PCDH10: variants seen among roughly 807,000 people sequenced by gnomAD.
The protein encoded by PCDH10 is protocadherin-10.
A neutral mutation model predicts 74.4 loss-of-function variants in PCDH10; 15 were observed. The observed-to-expected ratio is 0.20, with a 90% CI of 0.13 to 0.31. PCDH10 has a LOEUF of 0.31. Ranked by LOEUF, PCDH10 falls within the 10% of genes least tolerant of loss-of-function variation. PCDH10 has a pLI of 1.00. For missense variants in PCDH10, 1,260 were observed against 1,390.2 expected (o/e 0.91, Z 1.49); for synonymous variants, 619 against 589.8 (o/e 1.05, Z -0.72).
At position 133,149,990 on chromosome 4, in the gene PCDH10, G is replaced by A. The variant is rs183918225; in HGVS notation, c.-151G>A. ...GGGAAGCTCTAAAATGAAGCAAAAG[G>A]AGTAAGATTTTTAAAGACAGAAAGC... On this transcript the variant is annotated 5_prime_UTR_variant, in exon 1 of 5. Transcript: ENST00000264360. The A allele has an allele frequency of 3.5e-4, 392 of 1,132,850 alleles. 1 individual carries two copies. The Middle Eastern group carries it at 4.1e-3, about 12-fold the overall frequency. 70.2% of individuals were successfully genotyped at this position (1,132,850 alleles called of 1,614,324 possible). A position where few individuals can be genotyped will look rare whatever the true frequency, so the allele number is the denominator to read the frequency against.
At chr4:133,184,786 ATATATATATTT>A (rs1164275664) in intron 4 of PCDH10, among the ~76,000 whole-genome samples, 3 of 139,244 alleles carry the variant, frequency 2.2e-5, no homozygotes, top group Non-Finnish European at 1.5e-5. Flanking sequence ...ATATATATAA[ATATATATATTT>A]ATATATATAT....
downstream of PCDH10, among the ~76,000 whole-genome samples, chr4:133,197,710 A>T (rs1465018299): frequency 2.6e-5 from 4 of 152,150 alleles, no homozygotes; most frequent in Non-Finnish European, 5.9e-5. Context: ...GAAAGATAGG[A>T]ACATTTAGAT....
rs549964119 is a variant in PCDH10 at position 133,207,386 on chromosome 4, A to G, written n.438-690A>G. 2.0e-5 allele frequency among the ~76,000 whole-genome samples: 3 copies of G among 152,306 alleles called. No individual in the cohort carries two copies. In the East Asian group the frequency reaches 5.8e-4, roughly 29 times the overall value. Reference sequence around the variant, plus strand: ...TTTAATTACACTGTGCATGACAGAAACTAGGCCATTTGGGCATTGCCTTTG... The same window carrying G: ...TTTAATTACACTGTGCATGACAGAAGCTAGGCCATTTGGGCATTGCCTTTG... On this transcript the variant is annotated intron_variant and non_coding_transcript_variant, in intron 2 of 2. Transcript: ENST00000511112.
chr4:133,152,472 C>T lies in PCDH10; in HGVS notation c.2332C>T (p.Arg778Cys), dbSNP rs758699020. Residue 778 changes from arginine (R) to cysteine (C), a missense_variant, in exon 1 of 5, where the codon CGC (arginine) becomes TGC (cysteine). Around this residue, in one of 11 missense-constraint regions of PCDH10, gnomAD observed 587 missense variants for 616.9 expected, o/e 0.95. Transcript: ENST00000264360. ...STCCGRQARA[R>C]KKKLSKSDIM... Reference sequence around the variant, plus strand: ...CTGCTGTGGCCGCCAAGCCCGGGCGCGCAAGAAGAAACTCAGCAAGTCAGA... The same window carrying T: ...CTGCTGTGGCCGCCAAGCCCGGGCGTGCAAGAAGAAACTCAGCAAGTCAGA... 1 of 1,614,096 alleles carries T rather than the reference C, an allele frequency of 6.2e-7. No individual in the cohort carries two copies. The highest frequency in any genetic ancestry group is 1.1e-5 in the South Asian group (1 of 91,080).
At chr4:133,183,618 C>T (rs1391893895) in intron 4 of PCDH10, among the ~76,000 whole-genome samples, 1 of 152,126 alleles carries the variant, frequency 6.6e-6, no homozygotes, top group Non-Finnish European at 1.5e-5. Context: ...TGGTAGTAAA[C>T]TTAGGGCCTT....
intron 4 of PCDH10, among the ~76,000 whole-genome samples, chr4:133,188,668 T>TG (rs1182278176): frequency 2.2e-5 from 3 of 136,238 alleles, no homozygotes; most frequent in Non-Finnish European, 3.2e-5. Context: ...GCTATGGGTT[T>TG]TTTTTTTTTT....
intron 3 of PCDH10, among the ~76,000 whole-genome samples, chr4:133,157,609 A>T (rs1726892843): frequency 6.6e-6 from 1 of 152,170 alleles, no homozygotes; most frequent in Non-Finnish European, 1.5e-5. Context: ...CTAACATTGG[A>T]AAGATAGAGA....
intron 4 of PCDH10, among the ~76,000 whole-genome samples, chr4:133,169,930 T>C (rs1400168698): frequency 1.3e-5 from 2 of 152,022 alleles, no homozygotes; most frequent in Non-Finnish European, 2.9e-5. Flanking sequence ...ACTGTTCAAG[T>C]TTAAATAATA....
exon 3 of PCDH10, chr4:133,208,117 CA>C (rs1317591868): frequency 1.3e-5 from 2 of 152,156 alleles, no homozygotes; most frequent in African/African-American, 4.8e-5. Flanking sequence ...ACATGTGGCA[CA>C]AGATCAAGGG....
chr4:133,165,098 A>G (rs1383317650), intron 4 of PCDH10, among the ~76,000 whole-genome samples: 5 of 148,690 alleles, frequency 3.4e-5, no homozygotes, highest in African/African-American at 4.9e-5. Flanking sequence ...TCATATATAT[A>G]TGAATATACA....
intron 2 of PCDH10, among the ~76,000 whole-genome samples, chr4:133,154,602 A>G (rs1174345342): frequency 6.6e-6 from 1 of 152,232 alleles, no homozygotes; most frequent in African/African-American, 2.4e-5. Flanking sequence ...ACACTCCTAC[A>G]CAGCTTCCGA....
intron 3 of PCDH10, among the ~76,000 whole-genome samples, chr4:133,161,857 G>C (rs1726977605): frequency 1.3e-5 from 2 of 152,154 alleles, no homozygotes; most frequent in African/African-American, 4.8e-5. Flanking sequence ...GGTTGAGATT[G>C]CTTTGGCCCT....
In PCDH10 at chr4:133,193,762, C is replaced by G. The variant is rs181673558; in HGVS notation, c.*3602C>G. 7 of 151,684 alleles carry G rather than the reference C, an allele frequency of 4.6e-5. No individual in the cohort carries two copies. The highest frequency in any genetic ancestry group is 1.7e-4 in the African/African-American group (7 of 41,498). 9.4% of individuals were successfully genotyped at this position (151,684 alleles called of 1,614,324 possible). A position where few individuals can be genotyped will look rare whatever the true frequency, so the allele number is the denominator to read the frequency against. On this transcript the variant is annotated 3_prime_UTR_variant, in exon 5 of 5. Coordinates refer to ENST00000264360, the MANE Select transcript of PCDH10 (RefSeq NM_032961.3). ...CAAAAATACTTAAAATATTGGTATACTTGATGATTTTTCTGAAAATCTTAT... is the reference window on the plus strand; with the variant it reads ...CAAAAATACTTAAAATATTGGTATAGTTGATGATTTTTCTGAAAATCTTAT...
chr4:133,189,701 A>G (rs1267591803), intron 4 of PCDH10, among the ~76,000 whole-genome samples: 2 of 152,064 alleles, frequency 1.3e-5, no homozygotes, highest in African/African-American at 4.8e-5. Context: ...TTCCATAATA[A>G]ATATTGGTTT....
At chr4:133,174,230 A>T (rs181681480) in intron 4 of PCDH10, among the ~76,000 whole-genome samples, 4 of 152,090 alleles carry the variant, frequency 2.6e-5, no homozygotes, top group Admixed American at 2.6e-4. Flanking sequence ...CCCAGAAGTA[A>T]TACATGCTTT....
At chr4:133,168,114 G>T (rs1727123466) in intron 4 of PCDH10, among the ~76,000 whole-genome samples, 1 of 151,232 alleles carries the variant, frequency 6.6e-6, no homozygotes, top group Non-Finnish European at 1.5e-5. Context: ...AGCAGTTGAT[G>T]GGAACTTCTC....
intron 4 of PCDH10, chr4:133,163,801 A>C (rs1272619359): frequency 5.3e-6 from 2 of 374,718 alleles, no homozygotes; most frequent in Non-Finnish European, 1.0e-5. Flanking sequence ...ATAAGCTAGA[A>C]CGAAAGATGA....
rs542790693 is a variant in PCDH10 at position 133,194,261 on chromosome 4, T to A, written c.*4101T>A. ...GTTGTCACATGCTTAGTTTGAAGTT[T>A]TACTCTCCAGATGTTTTTGAGTTGC... On this transcript the variant is annotated 3_prime_UTR_variant, in exon 5 of 5. Transcript: ENST00000264360. 3 of 151,900 alleles carry A rather than the reference T, an allele frequency of 2.0e-5. No individual in the cohort carries two copies. Among genetic ancestry groups the A allele is most frequent in the Non-Finnish European group, 4.4e-5 (3 of 67,798 alleles). The allele number at this position is 151,900 out of a possible 1,614,324, so 9.4% of individuals were successfully genotyped here.
rs571668390 is a variant in PCDH10, at chr4:133,153,969, G to A, written c.2632-338G>A. 1.5e-3 allele frequency: 331 copies of A among 214,488 alleles called. 1 individual carries two copies. The highest frequency in any genetic ancestry group is 7.3e-3 in the African/African-American group (313 of 42,942). 13.3% of individuals were successfully genotyped at this position (214,488 alleles called of 1,614,324 possible). A position where few individuals can be genotyped will look rare whatever the true frequency, so the allele number is the denominator to read the frequency against. The stretch of plus-strand genomic sequence containing the variant: ...ACTTTTTTAAGCCACTGAAGGAAAA[G>A]ACAGCAGAATATAAACAGGTTGACT... On this transcript the variant is annotated intron_variant, in intron 1 of 4. Transcript: ENST00000264360.
Sources: gnomAD v4.1 joint callset for allele counts (sites outside exome capture counted in the v4.1 genomes callset) on GRCh38, gnomAD v4.1.1 for gene constraint, gnomAD v4.1.1 regional missense constraint, MANE v1.5 for transcripts, NCBI Gene and HGNC (gene_info 2026-07-23, HGNC 2026-07-21) for gene names.